Variants in ATP13A4 observed in about 807,000 individuals in gnomAD.
The protein encoded by ATP13A4 is ATPase 13A4.
ATP13A4 carries 114 observed loss-of-function variants against 142.5 expected under a neutral mutation model. The observed-to-expected ratio is 0.80, with a 90% CI of 0.69 to 0.93. ATP13A4 has a LOEUF of 0.93. Ranked by LOEUF, ATP13A4 falls within the 40% of genes least tolerant of loss-of-function variation. The pLI, the probability that ATP13A4 is intolerant of heterozygous loss-of-function variation, is 0.00. For missense variants in ATP13A4, 1,392 were observed against 1,454.0 expected (o/e 0.96, Z 0.69); for synonymous variants, 488 against 514.8 (o/e 0.95, Z 0.70).
At chr3:193,463,448 AG>A (rs1718079076) in intron 12 of ATP13A4, among the ~76,000 whole-genome samples, 8 of 139,484 alleles carry the variant, frequency 5.7e-5, no homozygotes, top group Admixed American at 5.6e-4. Context: ...AAAAAAAAAA[AG>A]GTGGTGGTAT....
chr3:193,571,871 A>G (rs1170410396), intron 2 of ATP13A4, among the ~76,000 whole-genome samples: 2 of 152,178 alleles, frequency 1.3e-5, no homozygotes, highest in Non-Finnish European at 2.9e-5. Context: ...AATAATAATA[A>G]TAAAAAGGAC....
chr3:193,514,137 G>A (rs1049992422), intron 2 of ATP13A4, among the ~76,000 whole-genome samples: 31 of 152,164 alleles, frequency 2.0e-4, no homozygotes, highest in Non-Finnish European at 3.5e-4. Flanking sequence ...TGTTATATGA[G>A]TAAACTTGCT....
In ATP13A4 at chr3:193,453,491, A is replaced by C. The variant is rs549357647; in HGVS notation, c.2027+610T>G. On this transcript the variant is annotated intron_variant, in intron 17 of 29. Transcript: ENST00000342695. ...GTGGAATTAAAAAAAATAAAATTGA[A>C]CTCATAAATACTGCAGTTTTGGAGC... Among the ~76,000 whole-genome samples the C allele has an allele frequency of 2.0e-5, 3 of 152,190 alleles. No homozygotes were observed. In the East Asian group the frequency reaches 5.8e-4, roughly 29 times the overall value.
At chr3:193,507,869 A>AG (rs1258975097) in intron 2 of ATP13A4, among the ~76,000 whole-genome samples, 2 of 152,182 alleles carry the variant, frequency 1.3e-5, no homozygotes, top group Non-Finnish European at 2.9e-5. Flanking sequence ...CCCGGTTAAC[A>AG]GAAAAAAAAT....
At chr3:193,405,461 A>T (rs1714448121) in intron 29 of ATP13A4, among the ~76,000 whole-genome samples, 1 of 152,182 alleles carries the variant, frequency 6.6e-6, no homozygotes. Flanking sequence ...TTTCTCAAGA[A>T]AAGGTTCAGA....
chr3:193,553,860 A>G (rs1723733103), intron 1 of ATP13A4: 1 of 152,244 alleles, frequency 6.6e-6, no homozygotes, highest in Admixed American at 6.5e-5. Context: ...TTAAGTAAAT[A>G]TCTTTCAGGT....
At chr3:193,490,721 C>T (rs1719897343) in intron 6 of ATP13A4, among the ~76,000 whole-genome samples, 1 of 152,052 alleles carries the variant, frequency 6.6e-6, no homozygotes, top group African/African-American at 2.4e-5. Context: ...TGCTTGACGG[C>T]TTGTTGGAAA....
chr3:193,412,900 T>A (rs1190203324), intron 26 of ATP13A4, among the ~76,000 whole-genome samples: 1 of 152,190 alleles, frequency 6.6e-6, no homozygotes, highest in Admixed American at 6.5e-5. Context: ...AGCATGTGCC[T>A]ATAATCTCAG....
chr3:193,573,301 A>ATATTCT (rs1414490731), intron 2 of ATP13A4, among the ~76,000 whole-genome samples: 4 of 78,984 alleles, frequency 5.1e-5, no homozygotes, highest in African/African-American at 2.1e-4. Flanking sequence ...ACATATATAT[A>ATATTCT]TATATACATA....
At chr3:193,569,143 T>A (rs1724203728) in intron 2 of ATP13A4, among the ~76,000 whole-genome samples, 1 of 152,232 alleles carries the variant, frequency 6.6e-6, no homozygotes, top group Non-Finnish European at 1.5e-5. Flanking sequence ...CAGTGGCAAG[T>A]CATGCTGAGA....
chr3:193,593,078 G>A (rs1198278699), exon 1 of ATP13A4: 1 of 384,748 alleles, frequency 2.6e-6, no homozygotes, highest in Admixed American at 4.5e-5. Flanking sequence ...CCCGTGAGAG[G>A]CGATGGATTG....
At chr3:193,455,543 G>A (rs1576981461) in intron 16 of ATP13A4, among the ~76,000 whole-genome samples, 2 of 152,140 alleles carry the variant, frequency 1.3e-5, no homozygotes, top group Non-Finnish European at 1.5e-5. Context: ...AGCAGATGCT[G>A]GTGAGGTTGT....
intron 7 of ATP13A4, among the ~76,000 whole-genome samples, chr3:193,486,895 C>A (rs1719656503): frequency 6.6e-6 from 1 of 151,778 alleles, no homozygotes; most frequent in South Asian, 2.1e-4. Flanking sequence ...ATTATGCTAC[C>A]ACTTACATAA....
chr3:193,479,125 A>T (rs1719141283), intron 8 of ATP13A4, among the ~76,000 whole-genome samples: 1 of 152,200 alleles, frequency 6.6e-6, no homozygotes, highest in African/African-American at 2.4e-5. Context: ...CCTTAAGGTA[A>T]TAAAAGCCAC....
intron 1 of ATP13A4, among the ~76,000 whole-genome samples, chr3:193,547,307 A>G (rs150337676): frequency 4.0e-4 from 61 of 152,226 alleles, no homozygotes; most frequent in African/African-American, 1.4e-3. Context: ...ATATCCTACC[A>G]TATTACTCTC....
intron 18 of ATP13A4, among the ~76,000 whole-genome samples, chr3:193,443,326 AAGAT>A: frequency 6.6e-6 from 1 of 152,292 alleles, no homozygotes; most frequent in East Asian, 1.9e-4. Context: ...GATCCAAAGA[AAGAT>A]AACCCCAAAA....
intron 25 of ATP13A4, among the ~76,000 whole-genome samples, chr3:193,426,486 C>G (rs932967124): frequency 1.3e-5 from 2 of 151,748 alleles, no homozygotes; most frequent in African/African-American, 2.4e-5. Flanking sequence ...ATTTAAATAG[C>G]TATTTTTAGA....
At chr3:193,541,232 G>C (rs1214941193) in intron 1 of ATP13A4, among the ~76,000 whole-genome samples, 16 of 107,712 alleles carry the variant, frequency 1.5e-4, no homozygotes, top group African/African-American at 4.9e-4. Flanking sequence ...CTGGGCGACA[G>C]AGCGAGACTC....
chr3:193,407,481 G>T, intron 28 of ATP13A4, 88 bp from the exon 29 acceptor site: 2 of 1,020,020 alleles, frequency 2.0e-6, no homozygotes, highest in Non-Finnish European at 3.0e-6. Context: ...ATTTTCCTAG[G>T]TTATAAATCT....
Sources: allele counts gnomAD v4.1 joint callset (sites outside exome capture counted in the v4.1 genomes callset), GRCh38; gene constraint gnomAD v4.1.1; transcripts MANE v1.5; gene names NCBI Gene and HGNC (gene_info 2026-07-23, HGNC 2026-07-21).